CNKSR3: variants seen among roughly 807,000 people sequenced by gnomAD.
CNKSR3 encodes CNKSR family member 3, also known as connector enhancer of kinase suppressor of ras 3.
CNKSR3 carries 36 observed loss-of-function variants against 67.7 expected under a neutral mutation model. The ratio of observed to expected loss-of-function variants is 0.53; its 90% CI spans 0.41 to 0.70. The LOEUF (loss-of-function observed/expected upper bound fraction) is 0.70, where lower values mean the gene tolerates loss of function less well. CNKSR3 is among the 30% of genes least tolerant of loss of function. The probability of loss-of-function intolerance (pLI) is 0.00; values close to 1 mark genes in which losing one functional copy is unlikely to be tolerated. For synonymous variants in CNKSR3, 281 were observed against 271.4 expected (o/e 1.04, Z -0.35); for missense variants, 630 against 695.2 (o/e 0.91, Z 1.05).
At chr6:154,470,634 C>A (rs185691068) in intron 1 of CNKSR3, among the ~76,000 whole-genome samples, 77 of 152,310 alleles carry the variant, frequency 5.1e-4, no homozygotes, top group African/African-American at 1.8e-3. Context: ...CTCTTCATGG[C>A]TGACTAATAT....
At chr6:154,473,272 T>C (rs1375445012) in intron 1 of CNKSR3, among the ~76,000 whole-genome samples, 1 of 152,226 alleles carries the variant, frequency 6.6e-6, no homozygotes, top group Non-Finnish European at 1.5e-5. Context: ...CAAAGTTAGA[T>C]GATAGAGCTA....
At chr6:154,428,443 A>G (rs943502258) in intron 6 of CNKSR3, among the ~76,000 whole-genome samples, 2 of 152,210 alleles carry the variant, frequency 1.3e-5, no homozygotes, top group Non-Finnish European at 2.9e-5. Context: ...GAATTATGCC[A>G]CAACTCCGAG....
At chr6:154,427,822 C>T (rs1396042499) in intron 7 of CNKSR3, among the ~76,000 whole-genome samples, 2 of 152,150 alleles carry the variant, frequency 1.3e-5, no homozygotes, top group Non-Finnish European at 1.5e-5. Context: ...CTCTCAAAAA[C>T]AAAAAGATCA....
In CNKSR3 at chr6:154,402,142, C is replaced by T. The variant is rs2128709412; in HGVS notation, c.*4212G>A. On this transcript the variant is annotated 3_prime_UTR_variant, in exon 13 of 13. Transcript: ENST00000607772. ...CTTGTTCTGAAAGAGATGGTACCCT[C>T]CCCCACCTCCGCCCAAGAGGCAGTT... The T allele has an allele frequency of 6.6e-6, 1 of 152,308 alleles. No homozygotes were observed. Among genetic ancestry groups the T allele is most frequent in the East Asian group, 1.9e-4 (1 of 5,192 alleles). 9.4% of individuals were successfully genotyped at this position (152,308 alleles called of 1,614,324 possible). A position where few individuals can be genotyped will look rare whatever the true frequency, so the allele number is the denominator to read the frequency against.
At chr6:154,470,300 A>G (rs1454964662) in intron 1 of CNKSR3, among the ~76,000 whole-genome samples, 1 of 142,508 alleles carries the variant, frequency 7.0e-6, no homozygotes, top group Non-Finnish European at 1.5e-5. Flanking sequence ...TCCCAGGTTC[A>G]AGCAATCCTC....
At chr6:154,442,495 G>A (rs542517772) in intron 2 of CNKSR3, among the ~76,000 whole-genome samples, 769 of 152,146 alleles carry the variant, frequency 5.1e-3, no homozygotes, top group Middle Eastern at 0.014. Flanking sequence ...GGTGGCGGGC[G>A]CCTGTAGTCC....
rs1784782720 is a variant in CNKSR3, at chr6:154,406,121, G to A, written c.*233C>T. 5 of 533,262 alleles carry A rather than the reference G, an allele frequency of 9.4e-6. No homozygotes were observed. The South Asian group carries it at 1.2e-4, about 13-fold the overall frequency. 33.0% of individuals were successfully genotyped at this position (533,262 alleles called of 1,614,324 possible). A position where few individuals can be genotyped will look rare whatever the true frequency, so the allele number is the denominator to read the frequency against. On this transcript the variant is annotated 3_prime_UTR_variant, in exon 13 of 13. Coordinates refer to ENST00000607772, the MANE Select transcript of CNKSR3 (RefSeq NM_173515.4). ...ATCTCTGGGGAAGCAAGACAAACAG[G>A]CTCTACCCATTTCCCTCCTTTTGTC... is the stretch of plus-strand genomic sequence containing the variant.
At chr6:154,449,177 AT>A (rs1039240047) in intron 2 of CNKSR3, among the ~76,000 whole-genome samples, 1 of 152,242 alleles carries the variant, frequency 6.6e-6, no homozygotes, top group African/African-American at 2.4e-5. Context: ...TGAAGGCCAC[AT>A]TTTTTTCCCA....
At chr6:154,424,374 G>A (rs1302399640) in intron 7 of CNKSR3, among the ~76,000 whole-genome samples, 1 of 152,138 alleles carries the variant, frequency 6.6e-6, no homozygotes, top group African/African-American at 2.4e-5. Context: ...ATATGACTAA[G>A]AGAAGAAGAA....
intron 2 of CNKSR3, among the ~76,000 whole-genome samples, chr6:154,445,990 A>G (rs1785699644): frequency 6.6e-6 from 1 of 152,188 alleles, no homozygotes; most frequent in Admixed American, 6.5e-5. Flanking sequence ...TAAAGACCGA[A>G]AATAAATAAT....
chr6:154,414,536 T>C, intron 9 of CNKSR3, 113 bp from the exon 10 acceptor site: 3 of 1,102,986 alleles, frequency 2.7e-6, no homozygotes, highest in Non-Finnish European at 4.1e-6. Context: ...GAACAGGGAC[T>C]GAGGTCATTC....
chr6:154,438,670 A>G (rs1785522154), intron 4 of CNKSR3, among the ~76,000 whole-genome samples: 1 of 152,224 alleles, frequency 6.6e-6, no homozygotes. Flanking sequence ...CCACTAGACT[A>G]ACCTCCCTCA....
intron 1 of CNKSR3, among the ~76,000 whole-genome samples, chr6:154,471,130 T>G (rs1786321861): frequency 6.6e-6 from 1 of 152,224 alleles, no homozygotes; most frequent in African/African-American, 2.4e-5. Context: ...CATTCAGTCA[T>G]TCAAGTACTA....
At chr6:154,455,076 A>T (rs555547077) in intron 1 of CNKSR3, among the ~76,000 whole-genome samples, 7 of 151,642 alleles carry the variant, frequency 4.6e-5, no homozygotes, top group African/African-American at 1.7e-4. Flanking sequence ...TGGGAGGCCA[A>T]GGAGGGTGTA....
chr6:154,460,865 A>G (rs1312866690), intron 1 of CNKSR3, among the ~76,000 whole-genome samples: 1 of 152,214 alleles, frequency 6.6e-6, no homozygotes, highest in Admixed American at 6.5e-5. Context: ...AGAGACATGC[A>G]GTGGCCGCGA....
At chr6:154,455,607 A>G (rs1376947205) in intron 1 of CNKSR3, among the ~76,000 whole-genome samples, 2 of 152,022 alleles carry the variant, frequency 1.3e-5, no homozygotes, top group Non-Finnish European at 2.9e-5. Context: ...TTTTTAGTAG[A>G]GACAGGGTTT....
rs1221777229 is a variant in CNKSR3, at chr6:154,394,402, A to G, written c.*11952T>C. The G allele has an allele frequency of 6.6e-6, 1 of 152,116 alleles. No individual in the cohort carries two copies. Among genetic ancestry groups the G allele is most frequent in the East Asian group, 1.9e-4 (1 of 5,194 alleles). 9.4% of individuals were successfully genotyped at this position (152,116 alleles called of 1,614,324 possible). On this transcript the variant is annotated 3_prime_UTR_variant, in exon 13 of 13. Transcript: ENST00000607772. ...TTACCAGGTGGATAATGCCTGGGTC[A>G]CCTTGAAGTCCAAAATTGGAGACAC... is the stretch of plus-strand genomic sequence containing the variant.
chr6:154,463,664 C>T (rs1488789821), intron 1 of CNKSR3, among the ~76,000 whole-genome samples: 1 of 152,168 alleles, frequency 6.6e-6, no homozygotes, highest in Non-Finnish European at 1.5e-5. Context: ...ACAACATTTC[C>T]CAGATCCTAT....
chr6:154,480,841 C>T (rs1333225702), intron 1 of CNKSR3, among the ~76,000 whole-genome samples: 1 of 152,198 alleles, frequency 6.6e-6, no homozygotes, highest in Non-Finnish European at 1.5e-5. Flanking sequence ...GGCATGATCC[C>T]ATATCTTTAA....
Sources: gnomAD v4.1 joint callset for allele counts (sites outside exome capture counted in the v4.1 genomes callset) on GRCh38, gnomAD v4.1.1 for gene constraint, MANE v1.5 for transcripts, NCBI Gene and HGNC (gene_info 2026-07-23, HGNC 2026-07-21) for gene names.